TTC8: variants seen among roughly 807,000 people sequenced by gnomAD.
TTC8 encodes the protein tetratricopeptide repeat domain 8.
TTC8 carries 47 observed loss-of-function variants against 72.5 expected under a neutral mutation model. The observed-to-expected ratio is 0.65, with a 90% CI of 0.51 to 0.83. The LOEUF (loss-of-function observed/expected upper bound fraction) is 0.83, where lower values mean the gene tolerates loss of function less well. Among genes scored for constraint, TTC8 ranks in the 40% least tolerant of loss-of-function variants. The probability of loss-of-function intolerance (pLI) is 0.00; values close to 1 mark genes in which losing one functional copy is unlikely to be tolerated. For synonymous variants in TTC8, 199 were observed against 221.4 expected, an observed-to-expected ratio of 0.90 and a Z score of 0.90; for missense variants, 611 against 623.2, an observed-to-expected ratio of 0.98 and a Z score of 0.21.
chr14:88,834,000 A>G (rs1335149035), intron 2 of TTC8: 7 of 459,232 alleles, frequency 1.5e-5, no homozygotes, highest in Non-Finnish European at 2.8e-5. Flanking sequence ...GGATATGAAA[A>G]ATAAAGAAGG....
At position 88,859,877 on chromosome 14, in the gene TTC8, TA is replaced by T. The variant is rs1458411650; in HGVS notation, c.799-1344del. 4.6e-4 allele frequency among the ~76,000 whole-genome samples: 35 copies of T among 76,704 alleles called. 1 individual carries two copies. The highest frequency in any genetic ancestry group is 1.2e-3 in the East Asian group (3 of 2,522). 50.3% of individuals were successfully genotyped at this position (76,704 alleles called of 152,430 possible). On this transcript the variant is annotated intron_variant, in intron 9 of 14. Transcript: ENST00000380656. ...ATAATCATATATAATATAAATATAT[TA>T]TATATTATATAATATATAATATAAT...
intron 7 of TTC8, among the ~76,000 whole-genome samples, chr14:88,845,344 G>A (rs1406030580): frequency 6.6e-6 from 1 of 152,186 alleles, no homozygotes; most frequent in Non-Finnish European, 1.5e-5. Flanking sequence ...AAGTCAGTTT[G>A]TAAAGAAGCT....
rs1395755523 is a variant in TTC8, at chr14:88,830,820, TAA to T, written c.115-2868_115-2867del. 1.3e-5 allele frequency: 6 copies of T among 455,726 alleles called. No individual in the cohort carries two copies. The Admixed American group carries it at 1.4e-4, about 11-fold the overall frequency. The allele number at this position is 455,726 out of a possible 1,614,324, so 28.2% of individuals were successfully genotyped here. On this transcript the variant is annotated intron_variant, in intron 1 of 14. Transcript: ENST00000380656. ...CAAAGAGGAAAGGCTCAGTGATTTT[TAA>T]AAAAGAGTTTTCCCCTATCTCCTAA...
chr14:88,847,845 G>C (rs1034621896), intron 7 of TTC8, among the ~76,000 whole-genome samples: 2 of 152,034 alleles, frequency 1.3e-5, no homozygotes, highest in Non-Finnish European at 2.9e-5. Flanking sequence ...GATCTTGGCT[G>C]GGTGCAGTGG....
chr14:88,856,226 T>A (rs1319802451), intron 8 of TTC8, among the ~76,000 whole-genome samples: 6 of 152,196 alleles, frequency 3.9e-5, no homozygotes. Context: ...TTCTGCCATG[T>A]CCCACATCTT....
At position 88,849,335 on chromosome 14, in the gene TTC8, A is replaced by G. The variant is rs937359468; in HGVS notation, c.625-3636A>G. Reference sequence around the variant, plus strand: ...ATGTTCTTTTCTGAATGGAAGAAGGATTTAGATAATAAGTATAAAGCATGT... The same window carrying G: ...ATGTTCTTTTCTGAATGGAAGAAGGGTTTAGATAATAAGTATAAAGCATGT... On this transcript the variant is annotated intron_variant, in intron 7 of 14. Transcript: ENST00000380656. 3.3e-5 allele frequency among the ~76,000 whole-genome samples: 5 copies of G among 152,144 alleles called. No individual in the cohort carries two copies. The East Asian group carries it at 9.6e-4, about 29-fold the overall frequency.
In TTC8 at chr14:88,877,856, TG is replaced by T. The variant is rs1443907493; in HGVS notation, c.*449del. ...GCATGTGCCTATAGTCCCAGCTACTTGGGAGGTGGAGGTGGGAGGATTATAA... is the reference window on the plus strand; with the variant it reads ...GCATGTGCCTATAGTCCCAGCTACTTGGAGGTGGAGGTGGGAGGATTATAA... On this transcript the variant is annotated 3_prime_UTR_variant, in exon 15 of 15. Transcript: ENST00000380656. The T allele has an allele frequency of 6.5e-6, 1 of 153,108 alleles. No homozygotes were observed. The highest frequency in any genetic ancestry group is 1.5e-5 in the Non-Finnish European group (1 of 68,598). The allele number at this position is 153,108 out of a possible 1,614,324, so 9.5% of individuals were successfully genotyped here.
chr14:88,865,640 T>G (rs993203762), intron 10 of TTC8, among the ~76,000 whole-genome samples: 2 of 152,018 alleles, frequency 1.3e-5, no homozygotes, highest in Non-Finnish European at 1.5e-5. Flanking sequence ...TGCACTCCAG[T>G]CTGGGCAACA....
chr14:88,841,303 TG>T, intron 5 of TTC8, 107 bp downstream of exon 5: 1 of 1,584,570 alleles, frequency 6.3e-7, no homozygotes, highest in Non-Finnish European at 8.6e-7. Flanking sequence ...GAGAATTATA[TG>T]GAAGATTTTT....
chr14:88,834,330 C>T (rs2094739985), intron 2 of TTC8, among the ~76,000 whole-genome samples: 1 of 152,158 alleles, frequency 6.6e-6, no homozygotes, highest in East Asian at 1.9e-4. Context: ...AGGGGGACAC[C>T]TGGCCAGTGA....
At chr14:88,870,925 G>A (rs1265017309) in intron 11 of TTC8, among the ~76,000 whole-genome samples, 1 of 152,118 alleles carries the variant, frequency 6.6e-6, no homozygotes, top group African/African-American at 2.4e-5. Context: ...ACGGCAGCTG[G>A]GCTGGATTTT....
Position 88,841,163 on chromosome 14 carries a change from C to T in TTC8, c.456C>T (p.Thr152=), listed in dbSNP as rs767492389. ...CCGCCTACACAGCCCGCCCTATCAC[C>T]AGCTCCTCCGGAAGATTTGTCAGGC... The part of the protein sequence containing the change: ...PRTAYTARPI[T]SSSGRFVRLG... Residue 152 remains threonine (T), a synonymous_variant, in exon 5 of 15, where the codon ACC becomes ACT. Transcript: ENST00000380656. The T allele has an allele frequency of 6.2e-6, 10 of 1,613,982 alleles. No individual in the cohort carries two copies. The South Asian group carries it at 1.1e-4, about 18-fold the overall frequency.
intron 9 of TTC8, among the ~76,000 whole-genome samples, chr14:88,858,716 C>G (rs1595967878): frequency 6.6e-6 from 1 of 150,804 alleles, no homozygotes; most frequent in East Asian, 2.0e-4. Context: ...CTCTCAGCCT[C>G]CTGAGTAGCT....
Position 88,840,867 on chromosome 14 carries a change from C to T in TTC8, c.268C>T (p.Pro90Ser), listed in dbSNP as rs368476502. ...GTATTAGCCATCTTGTCTCCTAGGC[C>T]CTGGAACGTCTTTGAAACTCCCTGG... ...DENAIAQVPR[P>S]GTSLKLPGTN... is the part of the protein sequence containing the mutation. Residue 90 changes from proline to serine, a missense_variant and splice_region_variant, in exon 4 of 15, where the codon CCT becomes TCT. Transcript: ENST00000380656. The T allele has an allele frequency of 5.0e-6, 8 of 1,613,814 alleles. No homozygotes were observed. The African/African-American group carries it at 1.1e-4, about 22-fold the overall frequency.
chr14:88,834,905 A>T (rs2094743355), intron 2 of TTC8, among the ~76,000 whole-genome samples: 1 of 152,176 alleles, frequency 6.6e-6, no homozygotes, highest in Non-Finnish European at 1.5e-5. Context: ...TGTATTTGGC[A>T]TTATTTTCCT....
rs758482702 is a variant in TTC8, at chr14:88,871,565, G to A, written c.1066G>A (p.Gly356Ser). Reference protein sequence around the residue: ...LRFYRRLLQMGIYNGQLFNNL... With the variant: ...LRFYRRLLQMSIYNGQLFNNL... ...TTTGAAAAGGCGGCTGCTGCAGATG[G>A]GCATTTATAACGGCCAGCTTTTTAA... is the stretch of plus-strand genomic sequence containing the variant. Residue 356 changes from glycine to serine, a missense_variant, in exon 12 of 15, where the codon GGC (glycine) becomes AGC (serine). Gly to Ser is a moderately conservative substitution (Grantham distance 56, BLOSUM62 0). Coordinates refer to ENST00000380656, the MANE Select transcript of TTC8 (RefSeq NM_144596.4). The surrounding 1 kb of genome is among the most constrained non-coding windows in gnomAD (Gnocchi z 4.1). The A allele has an allele frequency of 6.2e-7, 1 of 1,613,912 alleles. No homozygotes were observed. The highest frequency in any genetic ancestry group is 1.7e-5 in the Admixed American group (1 of 59,992).
In TTC8 at chr14:88,877,501, A is replaced by G. The variant is rs1398863222; in HGVS notation, c.*91A>G. On this transcript the variant is annotated 3_prime_UTR_variant, in exon 15 of 15. Coordinates refer to ENST00000380656, the MANE Select transcript of TTC8 (RefSeq NM_144596.4). ...TGTGTATGTATGTATATAGTGTAAT[A>G]CGTATATTTTAACAAACCTGTCCTT... is the stretch of plus-strand genomic sequence containing the variant. 2 of 1,047,174 alleles carry G rather than the reference A, an allele frequency of 1.9e-6. No individual in the cohort carries two copies. The highest frequency in any genetic ancestry group is 3.0e-6 in the Non-Finnish European group (2 of 667,866). The allele number at this position is 1,047,174 out of a possible 1,614,324, so 64.9% of individuals were successfully genotyped here. A position where few individuals can be genotyped will look rare whatever the true frequency, so the allele number is the denominator to read the frequency against.
At chr14:88,875,820 G>A (rs2094955028) in intron 14 of TTC8, among the ~76,000 whole-genome samples, 2 of 152,120 alleles carry the variant, frequency 1.3e-5, no homozygotes, top group South Asian at 4.1e-4. Context: ...AAAATAAACT[G>A]TCATTCATGA....
intron 9 of TTC8, among the ~76,000 whole-genome samples, chr14:88,860,496 C>G (rs1322281848): frequency 6.6e-6 from 1 of 152,196 alleles, no homozygotes; most frequent in Non-Finnish European, 1.5e-5. Flanking sequence ...AAAGGCCTGT[C>G]CACTGCCTAT....
Sources: gnomAD v4.1 joint callset for allele counts (sites outside exome capture counted in the v4.1 genomes callset) on GRCh38, gnomAD v4.1.1 for gene constraint, Gnocchi (gnomAD v3.1) non-coding constraint, MANE v1.5 for transcripts, NCBI Gene and HGNC (gene_info 2026-07-23, HGNC 2026-07-21) for gene names.